The following RASGRF1 variants were observed in gnomAD, a reference collection of about 807,000 sequenced individuals.
RASGRF1 encodes ras-specific guanine nucleotide-releasing factor 1.
A neutral mutation model predicts 138.7 loss-of-function variants in RASGRF1; 40 were observed. The ratio of observed to expected loss-of-function variants is 0.29; its 90% CI spans 0.22 to 0.38. RASGRF1 has a LOEUF of 0.38. Among genes scored for constraint, RASGRF1 ranks in the 10% least tolerant of loss-of-function variants. The pLI is 1.00. For missense variants in RASGRF1, 1,108 were observed against 1,650.4 expected, an observed-to-expected ratio of 0.67 and a Z score of 5.69; for synonymous variants, 614 against 663.2, an observed-to-expected ratio of 0.93 and a Z score of 1.14.
Position 79,032,300 on chromosome 15 carries a change from G to A in RASGRF1, c.975C>T (p.Ile325=), listed in dbSNP as rs138103021. The A allele has an allele frequency of 4.0e-5, 64 of 1,613,966 alleles. No individual in the cohort carries two copies. The African/African-American group carries it at 8.1e-4, about 21-fold the overall frequency. Residue 325 remains isoleucine (I), a synonymous_variant, in exon 7 of 27, where the codon ATC becomes ATT. Transcript: ENST00000558480. This position sits in a 1 kb window ranked among gnomAD's most constrained non-coding sequence, Gnocchi z 4.5. ...GGTAGATGTTGAGCATGGGCAGCAG[G>A]ATGTCAAATAGGTCAGCTGGAAGGA... ...PTLVLADLFD[I]LLPMLNIYQE... is the part of the protein sequence containing the mutation.
chr15:79,080,143 A>G (rs1238735156), intron 1 of RASGRF1, among the ~76,000 whole-genome samples: 1 of 152,226 alleles, frequency 6.6e-6, no homozygotes, highest in Non-Finnish European at 1.5e-5. Flanking sequence ...TCTCATAACT[A>G]GCCTGTTTCC....
intron 17 of RASGRF1, among the ~76,000 whole-genome samples, chr15:78,999,348 G>A (rs1273999971): frequency 1.3e-5 from 2 of 152,160 alleles, no homozygotes; most frequent in African/African-American, 2.4e-5. Flanking sequence ...AAGGATGGAT[G>A]GCATTCAGCT....
chr15:78,991,060 T>C (rs552293186), intron 21 of RASGRF1, among the ~76,000 whole-genome samples: 2 of 152,344 alleles, frequency 1.3e-5, no homozygotes, highest in South Asian at 4.1e-4. Flanking sequence ...TCAGACATAT[T>C]TGTTGCAAGG....
chr15:79,005,592 C>G (rs2056652872), intron 14 of RASGRF1: 1 of 986,418 alleles, frequency 1.0e-6, no homozygotes, highest in South Asian at 4.7e-5. Context: ...TGCCCCATGA[C>G]TTTTGAGAAG....
intron 22 of RASGRF1, among the ~76,000 whole-genome samples, chr15:78,989,745 A>G (rs552404876): frequency 4.1e-4 from 62 of 152,306 alleles, no homozygotes; most frequent in African/African-American, 1.5e-3. Context: ...GTCCAGCCAA[A>G]TATTGCTTGT....
intron 3 of RASGRF1, among the ~76,000 whole-genome samples, chr15:79,057,633 A>G (rs563640199): frequency 2.0e-5 from 3 of 152,228 alleles, no homozygotes; most frequent in Admixed American, 6.5e-5. Context: ...TAAGGGACTA[A>G]GAGCTAGTGC....
intron 11 of RASGRF1, 108 bp downstream of exon 11, chr15:79,019,933 C>A: frequency 7.3e-7 from 1 of 1,378,432 alleles, no homozygotes; most frequent in Non-Finnish European, 1.0e-6. Context: ...CGCACTTCAG[C>A]ATCCTCCATT....
chr15:79,057,186 G>A (rs202046347), intron 3 of RASGRF1, among the ~76,000 whole-genome samples: 3 of 152,352 alleles, frequency 2.0e-5, no homozygotes, highest in Non-Finnish European at 2.9e-5. Flanking sequence ...TCCAGTGTGC[G>A]CCCCATGGTG....
chr15:79,082,574 TAGG>T (rs1443619239), intron 1 of RASGRF1, among the ~76,000 whole-genome samples: 1 of 152,174 alleles, frequency 6.6e-6, no homozygotes, highest in African/African-American at 2.4e-5. Flanking sequence ...ACACACCAGT[TAGG>T]AGGCCACTGC....
In RASGRF1 at chr15:79,047,112, C is replaced by T. The variant is rs1259790028; in HGVS notation, c.625-113G>A. The T allele has an allele frequency of 2.2e-6, 3 of 1,333,552 alleles. No homozygotes were observed. The East Asian group carries it at 7.2e-5, about 32-fold the overall frequency. 82.6% of individuals were successfully genotyped at this position (1,333,552 alleles called of 1,614,324 possible). ...GAACCAAGGCTTTGTTATTCCTACG[C>T]CGGGCATGTAGCAAAAAGAGCTCAG... On this transcript the variant is annotated intron_variant, in intron 4 of 26. Transcript: ENST00000558480.
intron 15 of RASGRF1, among the ~76,000 whole-genome samples, chr15:79,003,533 C>A (rs908616251): frequency 6.6e-6 from 1 of 152,248 alleles, no homozygotes; most frequent in Non-Finnish European, 1.5e-5. Context: ...GCCTAAATTG[C>A]TCGTGATGGG....
At chr15:78,983,903 G>C (rs959830413) in intron 23 of RASGRF1, among the ~76,000 whole-genome samples, 2 of 152,230 alleles carry the variant, frequency 1.3e-5, no homozygotes, top group African/African-American at 4.8e-5. Context: ...AATCCCACTG[G>C]GTTGTAATGG....
chr15:79,034,334 A>G (rs530869422), intron 6 of RASGRF1, among the ~76,000 whole-genome samples: 1 of 152,038 alleles, frequency 6.6e-6, no homozygotes, highest in African/African-American at 2.4e-5. Context: ...GGTGAGATGC[A>G]GGAGGTTCTT....
intron 19 of RASGRF1, 44 bp from the exon 20 acceptor site, chr15:78,995,844 C>CAT (rs2056380972): frequency 6.2e-7 from 1 of 1,600,956 alleles, no homozygotes; most frequent in African/African-American, 1.3e-5. Flanking sequence ...CTTCACGTTG[C>CAT]AGCAGCCCCT....
intron 1 of RASGRF1, among the ~76,000 whole-genome samples, chr15:79,086,291 A>AT (rs1484627086): frequency 6.6e-6 from 1 of 152,194 alleles, no homozygotes; most frequent in Admixed American, 6.5e-5. Flanking sequence ...GAGAGGTTGA[A>AT]TGTGTTATAA....
Position 79,010,836 on chromosome 15 carries a change from G to T in RASGRF1, c.1827-4402C>A, listed in dbSNP as rs1031383407. Among the ~76,000 whole-genome samples the T allele has an allele frequency of 5.9e-5, 9 of 152,182 alleles. 1 individual carries two copies. Among genetic ancestry groups the T allele is most frequent in the African/African-American group, 2.2e-4 (9 of 41,434 alleles). On this transcript the variant is annotated intron_variant, in intron 13 of 26. Transcript: ENST00000558480. ...GGAGACTTTTCAGTTTTGGGTTGCT[G>T]GTGGCTGACCTGAGACGCTGACCGC...
At chr15:79,081,484 G>A (rs1354005465) in intron 1 of RASGRF1, among the ~76,000 whole-genome samples, 2 of 152,162 alleles carry the variant, frequency 1.3e-5, no homozygotes, top group Non-Finnish European at 2.9e-5. Context: ...TCAGAGCCCT[G>A]CACTGGCTCT....
chr15:79,032,093 C>G lies in RASGRF1; in HGVS notation c.1152+30G>C. ...ATCCCCCACACCTGCCTCCCTGACTCTACCCCACCCAGGCAGGGCCGGACG... is the reference window on the plus strand; with the variant it reads ...ATCCCCCACACCTGCCTCCCTGACTGTACCCCACCCAGGCAGGGCCGGACG... On this transcript the variant is annotated intron_variant, in intron 7 of 26. Coordinates refer to ENST00000558480, the MANE Select transcript of RASGRF1 (RefSeq NM_001145648.3). This position sits in a 1 kb window ranked among gnomAD's most constrained non-coding sequence, Gnocchi z 4.5. The G allele has an allele frequency of 1.9e-6, 3 of 1,604,262 alleles. No homozygotes were observed. The South Asian group carries it at 3.4e-5, about 18-fold the overall frequency.
At chr15:78,962,273 G>A in intron 26 of RASGRF1, 37 bp from the exon 27 acceptor site, 1 of 1,347,690 alleles carries the variant, frequency 7.4e-7, no homozygotes, top group Non-Finnish European at 1.0e-6. Context: ...TGGGAGGGTT[G>A]TGGGACCTCC....
Sources: gnomAD v4.1 joint callset for allele counts (sites outside exome capture counted in the v4.1 genomes callset) on GRCh38, gnomAD v4.1.1 for gene constraint, Gnocchi (gnomAD v3.1) non-coding constraint, MANE v1.5 for transcripts, NCBI Gene and HGNC (gene_info 2026-07-23, HGNC 2026-07-21) for gene names.